RBM34: variants seen among roughly 807,000 people sequenced by gnomAD.
RBM34 encodes the protein RNA-binding protein 34.
RBM34 carries 39 observed loss-of-function variants against 44.6 expected under a neutral mutation model. The ratio of observed to expected loss-of-function variants is 0.87; its 90% confidence interval spans 0.68 to 1.14. RBM34 has a LOEUF of 1.14. Among genes scored for constraint, RBM34 ranks in the 50% most tolerant of loss-of-function variants. RBM34 has a pLI of 0.00. For synonymous variants in RBM34, 194 were observed against 184.0 expected, an observed-to-expected ratio of 1.05 and a Z score of -0.44; for missense variants, 572 against 517.9, an observed-to-expected ratio of 1.10 and a Z score of -1.01.
chr1:235,156,136 G>A (rs1194594254), intron 3 of RBM34, among the ~76,000 whole-genome samples: 2 of 150,596 alleles, frequency 1.3e-5, no homozygotes, highest in African/African-American at 2.5e-5. Context: ...CCAAAGTGTT[G>A]TGATTACAGG....
rs760786596 is a variant in RBM34, at chr1:235,137,958, AG to A, written c.786-19del. The stretch of plus-strand genomic sequence containing the variant: ...CCCCATTTCTGTATTATAAATACAA[AG>A]GGAAAATGGTTGTTAAAAATGAGCA... On this transcript the variant is annotated intron_variant, in intron 7 of 10. Transcript: ENST00000408888. 1.3e-6 allele frequency: 2 copies of A among 1,593,902 alleles called. No individual in the cohort carries two copies. Among genetic ancestry groups the A allele is most frequent in the Non-Finnish European group, 1.7e-6 (2 of 1,164,202 alleles).
chr1:235,146,010 C>CT (rs1362051542), intron 6 of RBM34, among the ~76,000 whole-genome samples: 20 of 122,942 alleles, frequency 1.6e-4, no homozygotes, highest in Non-Finnish European at 2.8e-4. Context: ...GGGTCTCACT[C>CT]TATCACCCGG....
At chr1:235,152,469 G>A in intron 5 of RBM34, 2 of 1,223,370 alleles carry the variant, frequency 1.6e-6, no homozygotes, top group Non-Finnish European at 2.1e-6. Flanking sequence ...ACCCTCCAAA[G>A]TACATTGCAG....
At chr1:235,153,417 G>C (rs1404405870) in intron 4 of RBM34, among the ~76,000 whole-genome samples, 1 of 151,844 alleles carries the variant, frequency 6.6e-6, no homozygotes, top group African/African-American at 2.4e-5. Context: ...GTTTAAACCA[G>C]GAATAAACTT....
At chr1:235,155,840 T>TATATATATATATAC (rs1662400340) in intron 3 of RBM34, among the ~76,000 whole-genome samples, 2 of 25,606 alleles carry the variant, frequency 7.8e-5, no homozygotes, top group Admixed American at 5.2e-4. Flanking sequence ...TATATATATA[T>TATATATATATATAC]ATATATATAT....
intron 6 of RBM34, among the ~76,000 whole-genome samples, chr1:235,145,424 G>T (rs533409728): frequency 1.8e-4 from 27 of 151,790 alleles, no homozygotes; most frequent in Non-Finnish European, 1.5e-4. Context: ...CTACAGGCGT[G>T]CACCACCTTG....
rs1451604210 is a variant in RBM34, at chr1:235,155,856, T to TATATATATATAC, written c.366-756_366-745dup. ...ATATATATATATATATATATATATA[T>TATATATATATAC]ATATATATATACATATATACTTTTT... On this transcript the variant is annotated intron_variant, in intron 3 of 10. Transcript: ENST00000408888. 1.8e-4 allele frequency among the ~76,000 whole-genome samples: 8 copies of TATATATATATAC among 43,896 alleles called. No individual in the cohort carries two copies. The East Asian group carries it at 5.1e-3, about 28-fold the overall frequency. The allele number at this position is 43,896 out of a possible 152,430, so 28.8% of individuals were successfully genotyped here. A position where few individuals can be genotyped will look rare whatever the true frequency, so the allele number is the denominator to read the frequency against.
rs367780945 is a variant in RBM34 at position 235,138,181 on chromosome 1, C to CA, written c.702-8dup. The CA allele has an allele frequency of 0.023, 32,398 of 1,418,134 alleles. 33 individuals carry two copies. The highest frequency in any genetic ancestry group is 0.039 in the African/African-American group (2,511 of 64,698). 87.8% of individuals were successfully genotyped at this position (1,418,134 alleles called of 1,614,324 possible). ...ATCAGGATGAATTTTACGTCTACAC[C>CA]AAAAAAAAAAAAAGAAAGAAAGAAA... On this transcript the variant is annotated splice_region_variant and splice_polypyrimidine_tract_variant and intron_variant, in intron 6 of 10. Transcript: ENST00000408888.
intron 3 of RBM34, chr1:235,160,095 A>G: frequency 3.2e-6 from 1 of 311,490 alleles, no homozygotes; most frequent in South Asian, 2.8e-5. Flanking sequence ...CTCCACTAAA[A>G]ATACAAAAAT....
At chr1:235,154,058 AGC>A (rs1662288035) in intron 4 of RBM34, among the ~76,000 whole-genome samples, 1 of 152,088 alleles carries the variant, frequency 6.6e-6, no homozygotes, top group Non-Finnish European at 1.5e-5. Context: ...CATCCTGGCT[AGC>A]ACAGTGAAAC....
chr1:235,141,493 G>A (rs906979677), intron 6 of RBM34, among the ~76,000 whole-genome samples: 16 of 152,196 alleles, frequency 1.1e-4, no homozygotes, highest in Non-Finnish European at 1.3e-4. Context: ...CAGACCACTC[G>A]GCTCTACCAA....
chr1:235,155,573 C>G (rs969654092), intron 3 of RBM34, among the ~76,000 whole-genome samples: 1 of 146,558 alleles, frequency 6.8e-6, no homozygotes, highest in Admixed American at 7.0e-5. Context: ...AGTGCAATTT[C>G]GGCTCACTGC....
chr1:235,133,004 G>A (rs1661279373), intron 10 of RBM34, among the ~76,000 whole-genome samples: 1 of 152,094 alleles, frequency 6.6e-6, no homozygotes, highest in Non-Finnish European at 1.5e-5. Flanking sequence ...ATATCCTAAT[G>A]GGGATCTATC....
rs537158991 is a variant in RBM34, at chr1:235,138,228, T to C, written c.702-54A>G. 7.8e-5 allele frequency: 113 copies of C among 1,452,546 alleles called. No individual in the cohort carries two copies. In the Middle Eastern group the frequency reaches 1.5e-3, roughly 19 times the overall value. 90.0% of individuals were successfully genotyped at this position (1,452,546 alleles called of 1,614,324 possible). A position where few individuals can be genotyped will look rare whatever the true frequency, so the allele number is the denominator to read the frequency against. ...GAAAAGAGAGACAAGGTAAATTTCT[T>C]AGCCTCAAAGTCACTAGAAAAAAAT... On this transcript the variant is annotated intron_variant, in intron 6 of 10. Coordinates refer to ENST00000408888, the MANE Select transcript of RBM34 (RefSeq NM_015014.4).
chr1:235,138,647 C>T (rs983539431), intron 6 of RBM34, among the ~76,000 whole-genome samples: 2 of 152,166 alleles, frequency 1.3e-5, no homozygotes, highest in East Asian at 1.9e-4. Flanking sequence ...GGCCCTTTCC[C>T]GTTGCAGCCC....
chr1:235,149,594 T>C (rs1040596626), intron 5 of RBM34, among the ~76,000 whole-genome samples: 2 of 152,198 alleles, frequency 1.3e-5, no homozygotes, highest in African/African-American at 4.8e-5. Flanking sequence ...GAATCCCCTT[T>C]ATATTCAGGT....
intron 6 of RBM34, among the ~76,000 whole-genome samples, chr1:235,143,514 T>C (rs1288107195): frequency 1.3e-5 from 2 of 152,132 alleles, no homozygotes; most frequent in Non-Finnish European, 2.9e-5. Context: ...GGCGGGCGGA[T>C]CACCTGAGGT....
At chr1:235,154,203 G>A (rs950481063) in intron 4 of RBM34, among the ~76,000 whole-genome samples, 3 of 150,758 alleles carry the variant, frequency 2.0e-5, no homozygotes, top group African/African-American at 4.9e-5. Flanking sequence ...CAGAGATCGC[G>A]CCACTGCACT....
intron 10 of RBM34, among the ~76,000 whole-genome samples, chr1:235,133,889 G>A (rs1365396975): frequency 6.6e-6 from 1 of 152,062 alleles, no homozygotes; most frequent in Non-Finnish European, 1.5e-5. Flanking sequence ...TTGAGATAGG[G>A]TCTCACTCTG....
Sources: allele counts gnomAD v4.1 joint callset (sites outside exome capture counted in the v4.1 genomes callset), GRCh38; gene constraint gnomAD v4.1.1; transcripts MANE v1.5; gene names NCBI Gene and HGNC (gene_info 2026-07-23, HGNC 2026-07-21).